KLKB1: variants seen among roughly 807,000 people sequenced by gnomAD.
The protein encoded by KLKB1 is kallikrein B1.
KLKB1 carries 58 observed loss-of-function variants against 73.6 expected under a neutral mutation model. The observed-to-expected ratio is 0.79, with a 90% CI of 0.64 to 0.98. KLKB1 has a LOEUF of 0.98. KLKB1 is among the 50% of genes least tolerant of loss of function. The probability of loss-of-function intolerance (pLI) is 0.00; values close to 1 mark genes in which losing one functional copy is unlikely to be tolerated. For missense variants in KLKB1, 737 were observed against 763.8 expected (o/e 0.96, Z 0.41); for synonymous variants, 280 against 258.1 (o/e 1.08, Z -0.81).
chr4:186,257,759 GTGTGT>G (rs955763444), intron 14 of KLKB1, among the ~76,000 whole-genome samples: 4 of 114,222 alleles, frequency 3.5e-5, no homozygotes, highest in Non-Finnish European at 6.5e-5. Context: ...GTGTGTGTGT[GTGTGT>G]GTGTGTGTGT....
chr4:186,219,694 G>T (rs967143243), intron 2 of KLKB1, among the ~76,000 whole-genome samples: 1 of 152,016 alleles, frequency 6.6e-6, no homozygotes, highest in African/African-American at 2.4e-5. Flanking sequence ...TATTCCTTTT[G>T]CCTTCAGCAA....
rs774397108 is a variant in KLKB1, at chr4:186,238,380, A to G, written c.598+15A>G. The stretch of plus-strand genomic sequence containing the variant: ...TTCAGAAATTGGTAATTGTAGGACT[A>G]CTTCACTTTGTGATTGTGGTAGGTG... On this transcript the variant is annotated intron_variant, in intron 6 of 14. Transcript: ENST00000264690. 1.9e-5 allele frequency: 29 copies of G among 1,547,916 alleles called. No homozygotes were observed. Among genetic ancestry groups the G allele is most frequent in the African/African-American group, 1.8e-4 (13 of 73,604 alleles).
In KLKB1 at chr4:186,258,296, G is replaced by A. The variant is rs1739129683; in HGVS notation, c.*84G>A. On this transcript the variant is annotated 3_prime_UTR_variant, in exon 15 of 15. Transcript: ENST00000264690. ...TGGGGGGTCCTCATCTGCAAAGCAT[G>A]GAGAGTGGCATCTTCTTTGCATCCT... 1.8e-6 allele frequency: 2 copies of A among 1,129,716 alleles called. No individual in the cohort carries two copies. Among genetic ancestry groups the A allele is most frequent in the East Asian group, 2.5e-5 (1 of 39,300 alleles). The allele number at this position is 1,129,716 out of a possible 1,614,324, so 70.0% of individuals were successfully genotyped here.
chr4:186,229,485 ATTC>A (rs1266085347), intron 2 of KLKB1, among the ~76,000 whole-genome samples: 1 of 152,094 alleles, frequency 6.6e-6, no homozygotes, highest in Non-Finnish European at 1.5e-5. Flanking sequence ...GGAGCTTGCT[ATTC>A]TTCTCTTTTT....
intron 6 of KLKB1, among the ~76,000 whole-genome samples, chr4:186,245,684 C>A (rs938156312): frequency 2.0e-5 from 3 of 151,942 alleles, no homozygotes; most frequent in Non-Finnish European, 4.4e-5. Context: ...ACAGCAGAGG[C>A]AAGGAATCGC....
At chr4:186,256,409 G>A (rs908063205) in intron 13 of KLKB1, among the ~76,000 whole-genome samples, 16 of 152,144 alleles carry the variant, frequency 1.1e-4, no homozygotes, top group African/African-American at 3.9e-4. Context: ...TAGCGTTCCC[G>A]TCTCCCAAAA....
rs576946919 is a variant in KLKB1 at position 186,236,086 on chromosome 4, C to G, written c.329-695C>G. Among the ~76,000 whole-genome samples the G allele has an allele frequency of 2.1e-3, 216 of 104,058 alleles. 1 individual carries two copies. Among genetic ancestry groups the G allele is most frequent in the African/African-American group, 8.5e-3 (205 of 24,134 alleles). 68.3% of individuals were successfully genotyped at this position (104,058 alleles called of 152,430 possible). A position where few individuals can be genotyped will look rare whatever the true frequency, so the allele number is the denominator to read the frequency against. Reference sequence around the variant, plus strand: ...TCGAGATCGCGCCACTGCGCTCCAGCCTGGGCGACAGAGCGAGACTCCGTC... The same window carrying G: ...TCGAGATCGCGCCACTGCGCTCCAGGCTGGGCGACAGAGCGAGACTCCGTC... On this transcript the variant is annotated intron_variant, in intron 4 of 14. Transcript: ENST00000264690.
intron 4 of KLKB1, 133 bp from the exon 5 acceptor site, chr4:186,236,648 C>A: frequency 2.7e-6 from 2 of 739,582 alleles, no homozygotes; most frequent in Non-Finnish European, 4.7e-6. Flanking sequence ...ATTTTAAATC[C>A]CTTAGTTAAT....
chr4:186,233,762 G>A (rs539214759), intron 3 of KLKB1, among the ~76,000 whole-genome samples, 190 bp from the exon 4 acceptor site: 29 of 152,274 alleles, frequency 1.9e-4, no homozygotes, highest in African/African-American at 6.3e-4. Flanking sequence ...TAAAGAAAAC[G>A]CAGTGATGGA....
In KLKB1 at chr4:186,254,832, A is replaced by G. The variant is rs1738898795; in HGVS notation, c.1489+69A>G. 3 of 1,362,068 alleles carry G rather than the reference A, an allele frequency of 2.2e-6. No individual in the cohort carries two copies. In the Admixed American group the frequency reaches 5.1e-5, roughly 23 times the overall value. 84.4% of individuals were successfully genotyped at this position (1,362,068 alleles called of 1,614,324 possible). On this transcript the variant is annotated intron_variant, in intron 12 of 14. Transcript: ENST00000264690. Reference sequence around the variant, plus strand: ...TTGATATTTTCATATCAGTTTGAACAAGAGGGCAGACCTAGAGAGACTGTC... The same window carrying G: ...TTGATATTTTCATATCAGTTTGAACGAGAGGGCAGACCTAGAGAGACTGTC...
intron 2 of KLKB1, chr4:186,210,953 C>T (rs1736700397): frequency 7.4e-6 from 2 of 270,534 alleles, no homozygotes; most frequent in South Asian, 8.2e-5. Context: ...TCTTCTGCCT[C>T]AGCCTCCCAA....
In KLKB1 at chr4:186,228,199, A is replaced by C. The variant is rs776595040; in HGVS notation, c.4A>C (p.Ile2Leu). 5 of 1,553,596 alleles carry C rather than the reference A, an allele frequency of 3.2e-6. No individual in the cohort carries two copies. The highest frequency in any genetic ancestry group is 1.7e-4 in the Middle Eastern group (1 of 5,958). The change falls in exon 2 of 15, where the codon ATT (isoleucine) becomes CTT (leucine). Residue 2 changes from isoleucine to leucine, a missense_variant. Coordinates refer to ENST00000264690, the MANE Select transcript of KLKB1 (RefSeq NM_000892.5). Reference sequence around the variant, plus strand: ...ATGTATTGTTTTCTTTTTTAGAATGATTTTATTCAAGCAAGCAACTTATTT... The same window carrying C: ...ATGTATTGTTTTCTTTTTTAGAATGCTTTTATTCAAGCAAGCAACTTATTT... MILFKQATYFIS... is the reference protein window; with the variant it reads MLLFKQATYFIS...
chr4:186,233,914 A>T (rs1360532701), intron 3 of KLKB1, 38 bp from the exon 4 acceptor site: 4 of 1,395,808 alleles, frequency 2.9e-6, no homozygotes, highest in Non-Finnish European at 3.1e-6. Context: ...ATGTATGTTT[A>T]TTATTCTACT....
At chr4:186,216,115 G>T (rs1736896159) in intron 2 of KLKB1, among the ~76,000 whole-genome samples, 1 of 152,192 alleles carries the variant, frequency 6.6e-6, no homozygotes, top group Non-Finnish European at 1.5e-5. Flanking sequence ...AGACTGGCAG[G>T]TAATAGCTTA....
At chr4:186,255,545 T>C (rs1738953435) in intron 12 of KLKB1, among the ~76,000 whole-genome samples, 1 of 152,216 alleles carries the variant, frequency 6.6e-6, no homozygotes. Context: ...CAAACAATTA[T>C]GTGACCTCGG....
chr4:186,255,121 A>G (rs867682756), intron 12 of KLKB1, among the ~76,000 whole-genome samples: 16 of 152,310 alleles, frequency 1.1e-4, no homozygotes, highest in Admixed American at 2.6e-4. Context: ...TGTGAGGGCA[A>G]GTGGGATCAG....
intron 3 of KLKB1, among the ~76,000 whole-genome samples, chr4:186,232,801 T>C (rs1418993792): frequency 6.6e-6 from 1 of 152,168 alleles, no homozygotes; most frequent in Non-Finnish European, 1.5e-5. Context: ...GTGAGCCAGT[T>C]TGGGCACCTG....
chr4:186,240,271 A>G (rs1418537862), intron 6 of KLKB1, among the ~76,000 whole-genome samples: 1 of 152,066 alleles, frequency 6.6e-6, no homozygotes, highest in Non-Finnish European at 1.5e-5. Flanking sequence ...ATATAGGTAC[A>G]GTGATATTGT....
At chr4:186,227,128 A>G (rs766011303), upstream of KLKB1, among the ~76,000 whole-genome samples, 7 of 152,042 alleles carry the variant, frequency 4.6e-5, no homozygotes, top group Non-Finnish European at 1.0e-4. Context: ...CTCTCTCCAT[A>G]CTGTGCTGCC....
Sources: gnomAD v4.1 joint callset for allele counts (sites outside exome capture counted in the v4.1 genomes callset) on GRCh38, gnomAD v4.1.1 for gene constraint, MANE v1.5 for transcripts, NCBI Gene and HGNC (gene_info 2026-07-23, HGNC 2026-07-21) for gene names.